The following PGR variants were observed in gnomAD, a reference collection of about 807,000 sequenced individuals.
The protein encoded by PGR is nuclear receptor subfamily 3 group C member 3.
Under a neutral mutation model 76.1 loss-of-function variants are expected in PGR, and 25 were observed. The ratio of observed to expected loss-of-function variants is 0.33; its 90% CI spans 0.24 to 0.46. The LOEUF is 0.46. Ranked by LOEUF, PGR falls within the 20% of genes least tolerant of loss-of-function variation. PGR has a pLI of 1.00. For synonymous variants in PGR, 579 were observed against 535.0 expected, an observed-to-expected ratio of 1.08 and a Z score of -1.14; for missense variants, 1,172 against 1,225.3, an observed-to-expected ratio of 0.96 and a Z score of 0.65.
At chr11:101,106,409 T>C (rs1039479497) in intron 2 of PGR, among the ~76,000 whole-genome samples, 2 of 152,142 alleles carry the variant, frequency 1.3e-5, no homozygotes, top group African/African-American at 4.8e-5. Context: ...GGGCAAAGGA[T>C]ATGAGCAGAC....
intron 3 of PGR, among the ~76,000 whole-genome samples, chr11:101,068,907 T>C (rs550468): frequency 0.18 from 27,689 of 152,026 alleles, 3,039 homozygotes; most frequent in African/African-American, 0.31. Flanking sequence ...CCTAAAACCA[T>C]AAAAACCTTG....
chr11:101,088,909 A>T (rs1861585888), intron 3 of PGR, among the ~76,000 whole-genome samples: 1 of 152,180 alleles, frequency 6.6e-6, no homozygotes, highest in South Asian at 2.1e-4. Flanking sequence ...GTAGGCCAAG[A>T]CCCTAAGCAA....
At chr11:101,074,189 C>T (rs78524453) in intron 3 of PGR, among the ~76,000 whole-genome samples, 9 of 152,130 alleles carry the variant, frequency 5.9e-5, no homozygotes, top group Middle Eastern at 3.4e-3. Context: ...CATTAATAAA[C>T]GTAATCCATC....
At chr11:101,047,068 T>G (rs1859913740) in intron 6 of PGR, among the ~76,000 whole-genome samples, 1 of 152,188 alleles carries the variant, frequency 6.6e-6, no homozygotes, top group Admixed American at 6.5e-5. Context: ...AGTTTCTTTT[T>G]CTTCCTTTTT....
intron 6 of PGR, among the ~76,000 whole-genome samples, chr11:101,042,344 A>G (rs1453564656): frequency 1.3e-5 from 2 of 152,166 alleles, no homozygotes; most frequent in South Asian, 2.1e-4. Flanking sequence ...CAGCTGACCT[A>G]TTTTAGACCT....
chr11:101,042,734 C>A (rs1379131), intron 6 of PGR, among the ~76,000 whole-genome samples: 1 of 151,948 alleles, frequency 6.6e-6, no homozygotes, highest in African/African-American at 2.4e-5. Context: ...TTCCAGACCA[C>A]GGCAATGAAG....
rs1451628383 is a variant in PGR at position 101,127,838 on chromosome 11, G to C, written c.1233C>G (p.Pro411=). The change falls in exon 1 of 8, where the codon CCC becomes CCG. Residue 411 remains proline (P), a synonymous_variant. Transcript: ENST00000325455. ...CCAACGGGAAATCCGGGAAGGCTGC[G>C]GGGTTGGCACCGGCCACAAGGTAGG... ...PRSYLVAGAN[P]AAFPDFPLGP... The C allele has an allele frequency of 6.3e-7, 1 of 1,584,176 alleles. No individual in the cohort carries two copies. Among genetic ancestry groups the C allele is most frequent in the Non-Finnish European group, 8.5e-7 (1 of 1,171,726 alleles).
At chr11:101,097,707 T>C (rs527697210) in intron 2 of PGR, among the ~76,000 whole-genome samples, 1 of 152,246 alleles carries the variant, frequency 6.6e-6, no homozygotes, top group African/African-American at 2.4e-5. Flanking sequence ...TATTCAGTAA[T>C]TTCTCACCTT....
intron 4 of PGR, among the ~76,000 whole-genome samples, chr11:101,055,446 C>T (rs1173715721): frequency 3.0e-5 from 4 of 135,472 alleles, no homozygotes; most frequent in African/African-American, 1.1e-4. Flanking sequence ...AAAAAAAAGG[C>T]TCATAGAAAG....
At chr11:101,068,828 A>G (rs796231882) in intron 3 of PGR, among the ~76,000 whole-genome samples, 10 of 152,236 alleles carry the variant, frequency 6.6e-5, no homozygotes, top group African/African-American at 2.2e-4. Context: ...CAGAAAACTG[A>G]AAGTGGACCC....
intron 4 of PGR, among the ~76,000 whole-genome samples, chr11:101,056,642 G>A (rs377438001): frequency 6.6e-3 from 799 of 120,604 alleles, no homozygotes; most frequent in African/African-American, 7.0e-3. Context: ...CCTATCTCAA[G>A]AAAAAAAAAA....
At position 101,050,502 on chromosome 11, in the gene PGR, A is replaced by G. The variant is rs73005581; in HGVS notation, c.2358-443T>C. The stretch of plus-strand genomic sequence containing the variant: ...TAGGAGAAGTCAGTTCACAAAGCTT[A>G]CCATATTTTAAACTTTTCTAGGGAA... On this transcript the variant is annotated intron_variant, in intron 5 of 7. Transcript: ENST00000325455. Among the ~76,000 whole-genome samples the G allele has an allele frequency of 4.4e-4, 67 of 152,250 alleles. 2 individuals carry two copies. Among genetic ancestry groups the G allele is most frequent in the Admixed American group, 1.4e-3 (22 of 15,276 alleles).
At chr11:101,059,519 G>C (rs1234882794) in intron 4 of PGR, among the ~76,000 whole-genome samples, 1 of 152,032 alleles carries the variant, frequency 6.6e-6, no homozygotes, top group Non-Finnish European at 1.5e-5. Flanking sequence ...CATAAGGCTA[G>C]AGCATCTTGC....
chr11:101,108,363 C>A (rs1862243102), intron 2 of PGR, among the ~76,000 whole-genome samples: 1 of 151,912 alleles, frequency 6.6e-6, no homozygotes, highest in Non-Finnish European at 1.5e-5. Context: ...CAAAGCAAAG[C>A]CTTGTCTATT....
Position 101,128,699 on chromosome 11 carries a change from G to A in PGR, c.372C>T (p.Pro124=), listed in dbSNP as rs1180129442. 2 of 1,606,082 alleles carry A rather than the reference G, an allele frequency of 1.2e-6. No individual in the cohort carries two copies. Among genetic ancestry groups the A allele is most frequent in the East Asian group, 2.2e-5 (1 of 44,672 alleles). Reference sequence around the variant, plus strand: ...CGGGAGGGCTGGGTTGGCTCTGCCCGGGACCTGAGGGCGCCAACAGAGTGT... The same window carrying A: ...CGGGAGGGCTGGGTTGGCTCTGCCCAGGACCTGAGGGCGCCAACAGAGTGT... ...VLDTLLAPSG[P]GQSQPSPPAC... Residue 124 remains proline (P), a synonymous_variant, in exon 1 of 8, where the codon CCC becomes CCT. Transcript: ENST00000325455.
In PGR at chr11:101,031,057, G is replaced by A. The variant is rs1426184342; in HGVS notation, c.*8059C>T. 5.2e-6 allele frequency: 1 copy of A among 194,118 alleles called. No individual in the cohort carries two copies. The highest frequency in any genetic ancestry group is 2.3e-5 in the African/African-American group (1 of 43,180). The allele number at this position is 194,118 out of a possible 1,614,324, so 12.0% of individuals were successfully genotyped here. A position where few individuals can be genotyped will look rare whatever the true frequency, so the allele number is the denominator to read the frequency against. ...GGATTTAGTGTGGTGGCAGCTGAGTGGAGGCTTAGCAGGCAGTGGTAAGCC... is the reference window on the plus strand; with the variant it reads ...GGATTTAGTGTGGTGGCAGCTGAGTAGAGGCTTAGCAGGCAGTGGTAAGCC... On this transcript the variant is annotated 3_prime_UTR_variant, in exon 8 of 8. Transcript: ENST00000325455.
rs1197539566 is a variant in PGR at position 101,032,903 on chromosome 11, G to C, written c.*6213C>G. 1 of 186,390 alleles carries C rather than the reference G, an allele frequency of 5.4e-6. No individual in the cohort carries two copies. The allele number at this position is 186,390 out of a possible 1,614,324, so 11.5% of individuals were successfully genotyped here. ...CACAGTAAAGGCTTCACAGCTAGTT[G>C]CTGAGGAATAAAATGATGCCTAAAG... On this transcript the variant is annotated 3_prime_UTR_variant, in exon 8 of 8. Coordinates refer to ENST00000325455, the MANE Select transcript of PGR (RefSeq NM_000926.4).
rs141600597 is a variant in PGR at position 101,128,768 on chromosome 11, A to G, written c.303T>C (p.Ser101=). The G allele has an allele frequency of 5.1e-5, 82 of 1,613,882 alleles. No individual in the cohort carries two copies. Among genetic ancestry groups the G allele is most frequent in the Middle Eastern group, 3.3e-4 (2 of 6,084 alleles). ...EATRGAGGSS[S]SPPEKDSGLL... is the part of the protein sequence containing the mutation. ...GTCCGCTGTCCTTTTCTGGGGGACT[A>G]GAACTGCTGCCTCCAGCACCCCTTG... Residue 101 remains serine (S), a synonymous_variant, in exon 1 of 8, where the codon TCT becomes TCC. Transcript: ENST00000325455.
intron 3 of PGR, among the ~76,000 whole-genome samples, chr11:101,081,748 C>T (rs1861314864): frequency 6.6e-6 from 1 of 152,124 alleles, no homozygotes; most frequent in African/African-American, 2.4e-5. Context: ...ACAAGAGATC[C>T]TTACATGGGA....
Sources: gnomAD v4.1 joint callset for allele counts (sites outside exome capture counted in the v4.1 genomes callset) on GRCh38, gnomAD v4.1.1 for gene constraint, MANE v1.5 for transcripts, NCBI Gene and HGNC (gene_info 2026-07-23, HGNC 2026-07-21) for gene names.